The following GABRR2 variants were observed in gnomAD, a reference collection of about 807,000 sequenced individuals.
GABRR2 encodes the protein gamma-aminobutyric acid type A receptor subunit rho2.
In GABRR2, 36 loss-of-function variants were observed where a neutral mutation model predicts 47.0. That is an observed-to-expected ratio of 0.77 (90% CI 0.59 to 1.01). The LOEUF is 1.01. GABRR2 is among the 50% of genes least tolerant of loss of function. GABRR2 has a pLI of 0.00. For missense variants in GABRR2, 587 were observed against 594.6 expected (o/e 0.99, Z 0.13); for synonymous variants, 204 against 227.5 (o/e 0.90, Z 0.93).
intron 1 of GABRR2, among the ~76,000 whole-genome samples, chr6:89,300,434 A>T (rs1272109364): frequency 6.6e-6 from 1 of 152,030 alleles, no homozygotes; most frequent in East Asian, 1.9e-4. Context: ...CACTTGAACC[A>T]AGGAGACGCA....
intron 2 of GABRR2, among the ~76,000 whole-genome samples, chr6:89,286,087 C>T (rs1277621232): frequency 6.6e-6 from 1 of 152,156 alleles, no homozygotes. Flanking sequence ...ATCTCTGACC[C>T]GAATCCTATG....
At chr6:89,260,791 A>T (rs1156655931) in intron 8 of GABRR2, among the ~76,000 whole-genome samples, 1 of 152,210 alleles carries the variant, frequency 6.6e-6, no homozygotes, top group East Asian at 1.9e-4. Context: ...TAACAGACTC[A>T]GGAGGTGATT....
At position 89,289,700 on chromosome 6, in the gene GABRR2, T is replaced by A. The variant is rs570498422; in HGVS notation, c.220+10059A>T. Reference sequence around the variant, plus strand: ...TGATCTGGAAGGGGAAGGGGAAGGGTGAGGAGGAGGGCAAAATCAACAAGG... The same window carrying A: ...TGATCTGGAAGGGGAAGGGGAAGGGAGAGGAGGAGGGCAAAATCAACAAGG... On this transcript the variant is annotated intron_variant, in intron 2 of 8. Transcript: ENST00000402938. Among the ~76,000 whole-genome samples the A allele has an allele frequency of 2.0e-5, 3 of 151,012 alleles. No homozygotes were observed. The South Asian group carries it at 6.2e-4, about 31-fold the overall frequency.
At chr6:89,268,923 C>G in intron 4 of GABRR2, 88 bp downstream of exon 4, 1 of 1,195,226 alleles carries the variant, frequency 8.4e-7, no homozygotes, top group Non-Finnish European at 1.2e-6. Flanking sequence ...ACAGACCCAA[C>G]CGCAGTGACA....
Position 89,302,083 on chromosome 6 carries a change from G to A in GABRR2, c.114-2218C>T, listed in dbSNP as rs1231932066. The A allele has an allele frequency of 9.5e-6, 6 of 634,474 alleles. No homozygotes were observed. In the Admixed American group the frequency reaches 1.1e-4, roughly 12 times the overall value. 39.3% of individuals were successfully genotyped at this position (634,474 alleles called of 1,614,324 possible). A position where few individuals can be genotyped will look rare whatever the true frequency, so the allele number is the denominator to read the frequency against. On this transcript the variant is annotated intron_variant, in intron 1 of 8. Transcript: ENST00000402938. The stretch of plus-strand genomic sequence containing the variant: ...GTCAGAGTGGGGCCGGCAATAACTG[G>A]GCCAGGGGTCACTACACGGAGGGTG...
chr6:89,301,784 T>G, intron 1 of GABRR2: 2 of 784,596 alleles, frequency 2.5e-6, no homozygotes, highest in Non-Finnish European at 4.5e-6. Context: ...ACGCCCAGTA[T>G]GAGGGAGATC....
rs1422253404 is a variant in GABRR2, at chr6:89,280,245, TATATATATAC to T, written c.221-8533_221-8524del. Among the ~76,000 whole-genome samples, 5 of 119,360 alleles carry T rather than the reference TATATATATAC, an allele frequency of 4.2e-5. No homozygotes were observed. In the East Asian group the frequency reaches 1.0e-3, roughly 24 times the overall value. The allele number at this position is 119,360 out of a possible 152,430, so 78.3% of individuals were successfully genotyped here. A position where few individuals can be genotyped will look rare whatever the true frequency, so the allele number is the denominator to read the frequency against. ...ATATATATATATATATATATATATA[TATATATATAC>T]ATACATATACATATACACATACACA... On this transcript the variant is annotated intron_variant, in intron 2 of 8. Transcript: ENST00000402938.
Position 89,265,158 on chromosome 6 carries a change from G to C in GABRR2, c.889+455C>G, listed in dbSNP as rs76065875. Reference sequence around the variant, plus strand: ...TGTAAACTTTCACTCTGGAATTCAGGGTCTGTAAAAGGCTAAAACACAGCT... The same window carrying C: ...TGTAAACTTTCACTCTGGAATTCAGCGTCTGTAAAAGGCTAAAACACAGCT... On this transcript the variant is annotated intron_variant, in intron 7 of 8. Coordinates refer to ENST00000402938, the MANE Select transcript of GABRR2 (RefSeq NM_002043.5). Among the ~76,000 whole-genome samples, 358 of 152,066 alleles carry C rather than the reference G, an allele frequency of 2.4e-3. 2 individuals carry two copies. The highest frequency in any genetic ancestry group is 8.3e-3 in the African/African-American group (345 of 41,512).
At chr6:89,297,416 T>G (rs1476650310) in intron 2 of GABRR2, among the ~76,000 whole-genome samples, 2 of 152,228 alleles carry the variant, frequency 1.3e-5, no homozygotes, top group Non-Finnish European at 2.9e-5. Context: ...GGACATTTAC[T>G]TCACCTCTCT....
intron 2 of GABRR2, among the ~76,000 whole-genome samples, chr6:89,281,918 A>G (rs1416759702): frequency 6.6e-6 from 1 of 152,058 alleles, no homozygotes; most frequent in South Asian, 2.1e-4. Context: ...TCTGCTGTCC[A>G]TCTCAGCACC....
In GABRR2 at chr6:89,271,667, G is replaced by GGGGAA; in HGVS notation, c.275_276insTTCCC (p.Glu93SerfsTer10). 6.2e-7 allele frequency: 1 copy of GGGGAA among 1,611,638 alleles called. No homozygotes were observed. The stretch of plus-strand genomic sequence containing the variant: ...GGCCGCTGCATACCATGTCCACCTC[G>GGGGAA]GAGATGCTGTCCAGGCTCTCCACCT... On this transcript the variant is annotated frameshift_variant, in exon 3 of 9. Coordinates refer to ENST00000402938, the MANE Select transcript of GABRR2 (RefSeq NM_002043.5). LOFTEE classifies it high-confidence loss of function.
chr6:89,313,204 T>C (rs1767707104), intron 1 of GABRR2, among the ~76,000 whole-genome samples: 1 of 152,218 alleles, frequency 6.6e-6, no homozygotes, highest in Non-Finnish European at 1.5e-5. Flanking sequence ...TGAGTTGACT[T>C]GGACAGTTTC....
chr6:89,308,041 C>A (rs1449487755), intron 1 of GABRR2, among the ~76,000 whole-genome samples: 1 of 152,168 alleles, frequency 6.6e-6, no homozygotes, highest in Admixed American at 6.5e-5. Flanking sequence ...TCTCGAACTC[C>A]TGCCCTCAGG....
Position 89,269,433 on chromosome 6 carries a change from GCCCAGGAGACTGAGCAACCAGCC to G in GABRR2, c.289-222_289-200del, listed in dbSNP as rs1192609192. ...CATTTTTATGCATCATGCGCTTGGAGCCCAGGAGACTGAGCAACCAGCCCCTCAGGCTTTGCAAATGAAAACTG... is the reference window on the plus strand; with the variant it reads ...CATTTTTATGCATCATGCGCTTGGAGCCTCAGGCTTTGCAAATGAAAACTG... On this transcript the variant is annotated intron_variant, in intron 3 of 8. Coordinates refer to ENST00000402938, the MANE Select transcript of GABRR2 (RefSeq NM_002043.5). 4 of 577,746 alleles carry G rather than the reference GCCCAGGAGACTGAGCAACCAGCC, an allele frequency of 6.9e-6. No individual in the cohort carries two copies. In the African/African-American group the frequency reaches 7.5e-5, roughly 11 times the overall value. 35.8% of individuals were successfully genotyped at this position (577,746 alleles called of 1,614,324 possible).
Position 89,267,002 on chromosome 6 carries a change from T to C in GABRR2, c.736+677A>G, listed in dbSNP as rs545162599. 3.2e-4 allele frequency among the ~76,000 whole-genome samples: 47 copies of C among 146,724 alleles called. 2 individuals carry two copies. The highest frequency in any genetic ancestry group is 2.8e-3 in the Admixed American group (41 of 14,868). On this transcript the variant is annotated intron_variant, in intron 6 of 8. Transcript: ENST00000402938. ...TGCCTGGCTAATTTCTTTTCTTCTT[T>C]TTTTTTTTTTTTTTTGAGACGGAGT...
chr6:89,306,379 C>T lies in GABRR2; in HGVS notation c.114-6514G>A, dbSNP rs559079147. 7.9e-5 allele frequency among the ~76,000 whole-genome samples: 12 copies of T among 152,050 alleles called. No homozygotes were observed. In the East Asian group the frequency reaches 1.7e-3, roughly 22 times the overall value. ...TGTGTTTAAAAAAAAAAAAAATTCT[C>T]GTGATGTTATAAGAATGGTTTTGTG... On this transcript the variant is annotated intron_variant, in intron 1 of 8. Coordinates refer to ENST00000402938, the MANE Select transcript of GABRR2 (RefSeq NM_002043.5).
intron 8 of GABRR2, among the ~76,000 whole-genome samples, chr6:89,261,845 T>A: frequency 6.6e-6 from 1 of 152,034 alleles, no homozygotes; most frequent in Non-Finnish European, 1.5e-5. Flanking sequence ...TTGAAACCAG[T>A]CTTGGCAACA....
chr6:89,275,834 A>C (rs1350495947), intron 2 of GABRR2, among the ~76,000 whole-genome samples: 2 of 152,094 alleles, frequency 1.3e-5, no homozygotes, highest in African/African-American at 4.8e-5. Flanking sequence ...CATTCTAGAA[A>C]TGAAGGTGGA....
chr6:89,270,809 G>C, intron 3 of GABRR2, among the ~76,000 whole-genome samples: 1 of 152,152 alleles, frequency 6.6e-6, no homozygotes, highest in East Asian at 1.9e-4. Context: ...CACTGGACTA[G>C]ACTTGGAGAT....
Sources: allele counts gnomAD v4.1 joint callset (sites outside exome capture counted in the v4.1 genomes callset), GRCh38; gene constraint gnomAD v4.1.1; transcripts MANE v1.5; gene names NCBI Gene and HGNC (gene_info 2026-07-23, HGNC 2026-07-21).